Variants in UBE2E2 observed in about 807,000 individuals in gnomAD.
The protein encoded by UBE2E2 is ubiquitin conjugating enzyme E2 E2.
In UBE2E2, 6 loss-of-function variants were observed where a neutral mutation model predicts 24.7. That is an observed-to-expected ratio of 0.24 (90% CI 0.13 to 0.48). UBE2E2 has a LOEUF of 0.48. UBE2E2 is among the 20% of genes least tolerant of loss of function. UBE2E2 has a pLI of 0.99. For synonymous variants in UBE2E2, 104 were observed against 83.6 expected (o/e 1.24, Z -1.33); for missense variants, 169 against 245.0 (o/e 0.69, Z 2.07).
intron 3 of UBE2E2, among the ~76,000 whole-genome samples, chr3:23,300,030 A>G (rs1383752722): frequency 2.0e-4 from 30 of 151,082 alleles, no homozygotes; most frequent in African/African-American, 7.3e-4. Flanking sequence ...TCCCTTTACC[A>G]TTATGTAATG....
intron 3 of UBE2E2, among the ~76,000 whole-genome samples, chr3:23,449,439 G>T (rs1016971003): frequency 2.0e-5 from 3 of 152,166 alleles, no homozygotes; most frequent in African/African-American, 7.2e-5. Context: ...TTTCAACTCT[G>T]ATTTTAAAAA....
intron 4 of UBE2E2, among the ~76,000 whole-genome samples, chr3:23,501,604 T>C (rs1195750638): frequency 6.6e-6 from 1 of 152,224 alleles, no homozygotes; most frequent in African/African-American, 2.4e-5. Context: ...GGAGGAATGC[T>C]TTATCTGTCC....
At chr3:23,321,048 C>G (rs1171629030) in intron 3 of UBE2E2, among the ~76,000 whole-genome samples, 2 of 152,178 alleles carry the variant, frequency 1.3e-5, no homozygotes, top group Non-Finnish European at 2.9e-5. Flanking sequence ...TGCCAGCAGC[C>G]GTTGGCCATT....
intron 3 of UBE2E2, among the ~76,000 whole-genome samples, chr3:23,236,759 ACT>A (rs1195545950): frequency 6.6e-6 from 1 of 151,934 alleles, no homozygotes; most frequent in African/African-American, 2.4e-5. Context: ...GCCTAAGTGT[ACT>A]CTTAAACATT....
chr3:23,233,802 G>A (rs977228911), intron 3 of UBE2E2, among the ~76,000 whole-genome samples: 1 of 152,156 alleles, frequency 6.6e-6, no homozygotes, highest in African/African-American at 2.4e-5. Flanking sequence ...TTACTATGTA[G>A]TATAAGGTGA....
chr3:23,488,375 C>T (rs867607174), intron 3 of UBE2E2, among the ~76,000 whole-genome samples: 2 of 152,066 alleles, frequency 1.3e-5, no homozygotes, highest in African/African-American at 4.8e-5. Flanking sequence ...ACCGCCCCGC[C>T]GACAGGCCCC....
intron 3 of UBE2E2, among the ~76,000 whole-genome samples, chr3:23,467,574 G>T (rs1271356621): frequency 6.6e-6 from 1 of 152,070 alleles, no homozygotes; most frequent in Non-Finnish European, 1.5e-5. Context: ...ACTATAAAAG[G>T]GTTCCTGCAG....
At chr3:23,511,028 G>A (rs1281716091) in intron 4 of UBE2E2, among the ~76,000 whole-genome samples, 1 of 152,274 alleles carries the variant, frequency 6.6e-6, no homozygotes, top group Middle Eastern at 3.4e-3. Flanking sequence ...ACCATGCAGT[G>A]GTCTAGATAC....
chr3:23,584,556 C>T (rs1575724626), intron 5 of UBE2E2, among the ~76,000 whole-genome samples: 1 of 144,972 alleles, frequency 6.9e-6, no homozygotes, highest in African/African-American at 2.5e-5. Context: ...ATATGACAAT[C>T]TTTTTTTTTT....
intron 1 of UBE2E2, among the ~76,000 whole-genome samples, chr3:23,204,483 CTCT>C: frequency 6.6e-6 from 1 of 152,272 alleles, no homozygotes; most frequent in African/African-American, 2.4e-5. Flanking sequence ...GGATTTTACG[CTCT>C]TCTTAGTTTT....
chr3:23,523,372 A>G (rs1350994429), intron 4 of UBE2E2, among the ~76,000 whole-genome samples: 1 of 152,236 alleles, frequency 6.6e-6, no homozygotes, highest in Non-Finnish European at 1.5e-5. Context: ...TTATACATAA[A>G]AGGAAACTGA....
chr3:23,364,863 A>G (rs1006142686), intron 3 of UBE2E2, among the ~76,000 whole-genome samples: 2 of 152,184 alleles, frequency 1.3e-5, no homozygotes, highest in Admixed American at 1.3e-4. Context: ...ATAGAAGCAA[A>G]AGTCCCCAAC....
At chr3:23,409,995 A>G (rs1159888765) in intron 3 of UBE2E2, among the ~76,000 whole-genome samples, 1 of 152,134 alleles carries the variant, frequency 6.6e-6, no homozygotes, top group Non-Finnish European at 1.5e-5. Context: ...CCTCATCTTA[A>G]TTATACCTTA....
chr3:23,397,476 A>G (rs917836372), intron 3 of UBE2E2, among the ~76,000 whole-genome samples: 1 of 152,202 alleles, frequency 6.6e-6, no homozygotes, highest in African/African-American at 2.4e-5. Flanking sequence ...AGGTTGTAAA[A>G]TAGGACATTG....
chr3:23,336,361 A>G (rs1575568986), intron 3 of UBE2E2, among the ~76,000 whole-genome samples: 1 of 152,226 alleles, frequency 6.6e-6, no homozygotes, highest in African/African-American at 2.4e-5. Flanking sequence ...CTGCAAGAGT[A>G]AAAGTCGTAA....
intron 3 of UBE2E2, among the ~76,000 whole-genome samples, chr3:23,276,138 T>C (rs1167396367): frequency 6.6e-6 from 1 of 152,116 alleles, no homozygotes; most frequent in Non-Finnish European, 1.5e-5. Context: ...TGTACACAGA[T>C]TGGTTGTTGG....
At chr3:23,358,202 G>C (rs1696016861) in intron 3 of UBE2E2, among the ~76,000 whole-genome samples, 1 of 152,170 alleles carries the variant, frequency 6.6e-6, no homozygotes, top group Non-Finnish European at 1.5e-5. Context: ...ATGTACTGTA[G>C]TTGCCCTTTG....
At position 23,267,528 on chromosome 3, in the gene UBE2E2, A is replaced by G. The variant is rs556004246; in HGVS notation, c.227+50216A>G. Among the ~76,000 whole-genome samples, 582 of 152,312 alleles carry G rather than the reference A, an allele frequency of 3.8e-3. 3 individuals carry two copies. The highest frequency in any genetic ancestry group is 0.013 in the African/African-American group (527 of 41,560). On this transcript the variant is annotated intron_variant, in intron 3 of 5. Transcript: ENST00000396703. ...AGGAAGAAGTTGAATCTCTGAATAG[A>G]CCAATAACAGACTCTGAAATTGTGG...
chr3:23,455,648 G>A (rs746434806), intron 3 of UBE2E2, among the ~76,000 whole-genome samples: 2 of 152,026 alleles, frequency 1.3e-5, no homozygotes, highest in South Asian at 2.1e-4. Context: ...CTGGGATCAC[G>A]CCACTGCACT....
Sources: gnomAD v4.1 joint callset for allele counts (sites outside exome capture counted in the v4.1 genomes callset) on GRCh38, gnomAD v4.1.1 for gene constraint, MANE v1.5 for transcripts, NCBI Gene and HGNC (gene_info 2026-07-23, HGNC 2026-07-21) for gene names.